Variants in NDUFAF7 observed in about 807,000 individuals in gnomAD.
NDUFAF7 encodes the protein protein arginine methyltransferase NDUFAF7, mitochondrial.
NDUFAF7 carries 48 observed loss-of-function variants against 47.2 expected under a neutral mutation model. The observed-to-expected ratio is 1.02, with a 90% CI of 0.81 to 1.29. NDUFAF7 has a LOEUF of 1.29. NDUFAF7 is among the 50% of genes most tolerant of loss of function. The pLI, the probability that NDUFAF7 is intolerant of heterozygous loss-of-function variation, is 0.00. For synonymous variants in NDUFAF7, 217 were observed against 190.0 expected (o/e 1.14, Z -1.17); for missense variants, 635 against 537.6 (o/e 1.18, Z -1.79).
chr2:37,267,529 A>G, the NDUFAF7 span: 4 of 1,600,796 alleles, frequency 2.5e-6, no homozygotes, highest in South Asian at 2.2e-5. Flanking sequence ...CAGTCTTTCT[A>G]TGTTTTCCTA....
chr2:37,245,940 ATTTATT>A, intron 7 of NDUFAF7, 106 bp from the exon 8 acceptor site: 1 of 1,235,388 alleles, frequency 8.1e-7, no homozygotes. Flanking sequence ...CATATTAAGA[ATTTATT>A]TTTATTAAAA....
intron 4 of NDUFAF7, among the ~76,000 whole-genome samples, chr2:37,240,196 C>T (rs2041839): frequency 0.05 from 7,669 of 152,044 alleles, 716 homozygotes; most frequent in East Asian, 0.34. Context: ...TTTGGGAGTT[C>T]GAGGCTCCCA....
chr2:37,254,327 T>G, downstream of NDUFAF7: 1 of 1,523,978 alleles, frequency 6.6e-7, no homozygotes. Flanking sequence ...TGAATTTGGG[T>G]GCACAGAGTA....
At chr2:37,268,873 C>G in the NDUFAF7 span, 9 of 153,844 alleles carry the variant, frequency 5.9e-5, no homozygotes, top group African/African-American at 1.9e-4. Flanking sequence ...CTGTAGATGA[C>G]TGTGAACCAC....
downstream of NDUFAF7, among the ~76,000 whole-genome samples, chr2:37,257,694 AG>A (rs1668089159): frequency 1.3e-5 from 2 of 149,374 alleles, no homozygotes; most frequent in African/African-American, 2.5e-5. Flanking sequence ...AAAAAAAAAA[AG>A]TTACAGTATT....
chr2:37,254,355 C>CCT, downstream of NDUFAF7: 1 of 1,255,468 alleles, frequency 8.0e-7, no homozygotes, highest in Non-Finnish European at 1.2e-6. Flanking sequence ...CTTGTGACTG[C>CCT]CTAGAAGGCA....
In NDUFAF7 at chr2:37,231,774, C is replaced by T; in HGVS notation, c.55+14C>T. On this transcript the variant is annotated intron_variant, in intron 1 of 9. Transcript: ENST00000002125. Reference sequence around the variant, plus strand: ...TGGCGCGCGCAGGTAAGCGTCAGTCCCCTCGAAGCCCGGTTGCCGTGGAAG... The same window carrying T: ...TGGCGCGCGCAGGTAAGCGTCAGTCTCCTCGAAGCCCGGTTGCCGTGGAAG... 6.2e-7 allele frequency: 1 copy of T among 1,614,060 alleles called. No individual in the cohort carries two copies. The highest frequency in any genetic ancestry group is 1.3e-5 in the African/African-American group (1 of 75,032).
chr2:37,259,751 T>A, the NDUFAF7 span: 3 of 1,067,160 alleles, frequency 2.8e-6, no homozygotes, highest in Non-Finnish European at 4.3e-6. Context: ...ACTCCTTGAA[T>A]GATTTAATTT....
chr2:37,259,094 G>A, the NDUFAF7 span, among the ~76,000 whole-genome samples: 1 of 152,118 alleles, frequency 6.6e-6, no homozygotes, highest in Admixed American at 6.6e-5. Context: ...ATCAGAGAGT[G>A]CTACATGTAG....
At chr2:37,256,646 T>A, downstream of NDUFAF7, 3 of 1,404,406 alleles carry the variant, frequency 2.1e-6, no homozygotes, top group South Asian at 1.7e-5. Flanking sequence ...TTTTTTTTTT[T>A]TTTTTTTTTT....
downstream of NDUFAF7, chr2:37,250,700 T>C (rs1033399324): frequency 6.6e-6 from 1 of 152,184 alleles, no homozygotes; most frequent in Non-Finnish European, 1.5e-5. Flanking sequence ...GGTTTTCACA[T>C]GGAAAAGTAT....
chr2:37,251,679 G>GTTTA (rs1230454159), downstream of NDUFAF7: 4 of 151,552 alleles, frequency 2.6e-5, no homozygotes, highest in East Asian at 7.7e-4. Flanking sequence ...CTAGTTTTTA[G>GTTTA]TTTATTTGAC....
chr2:37,248,442 G>A lies in NDUFAF7; in HGVS notation c.*92G>A. 3 of 1,226,632 alleles carry A rather than the reference G, an allele frequency of 2.4e-6. No homozygotes were observed. In the South Asian group the frequency reaches 3.6e-5, roughly 15 times the overall value. The allele number at this position is 1,226,632 out of a possible 1,614,324, so 76.0% of individuals were successfully genotyped here. A position where few individuals can be genotyped will look rare whatever the true frequency, so the allele number is the denominator to read the frequency against. ...TATACTGCAGGTAACAAAAGTCAAAGTATTTTATCTTTTCACAGCAAGAAC... is the reference window on the plus strand; with the variant it reads ...TATACTGCAGGTAACAAAAGTCAAAATATTTTATCTTTTCACAGCAAGAAC... On this transcript the variant is annotated 3_prime_UTR_variant, in exon 10 of 10. Transcript: ENST00000002125.
intron 6 of NDUFAF7, 106 bp downstream of exon 6, chr2:37,242,799 A>G: frequency 1.2e-6 from 1 of 821,830 alleles, no homozygotes; most frequent in South Asian, 1.9e-5. Context: ...TGTTGAGGTT[A>G]TTTTTAACTA....
downstream of NDUFAF7, among the ~76,000 whole-genome samples, chr2:37,256,004 C>G: frequency 6.6e-6 from 1 of 151,944 alleles, no homozygotes; most frequent in Admixed American, 6.6e-5. Flanking sequence ...AGGGAGACCC[C>G]GTCTCAATAA....
downstream of NDUFAF7, chr2:37,251,607 C>G (rs972527508): frequency 3.9e-5 from 6 of 152,032 alleles, no homozygotes; most frequent in African/African-American, 1.5e-4. Flanking sequence ...GTTCATGTAC[C>G]AGAACATTCT....
chr2:37,264,775 A>C, the NDUFAF7 span, among the ~76,000 whole-genome samples: 29 of 152,132 alleles, frequency 1.9e-4, no homozygotes, highest in African/African-American at 6.3e-4. Context: ...TGTTGTGTAT[A>C]TTGTCTGCAG....
downstream of NDUFAF7, among the ~76,000 whole-genome samples, chr2:37,249,532 G>A (rs974987921): frequency 4.0e-5 from 6 of 148,318 alleles, no homozygotes; most frequent in African/African-American, 1.5e-4. Flanking sequence ...AGGGGAGATT[G>A]CTCCGTTGCA....
intron 4 of NDUFAF7, among the ~76,000 whole-genome samples, chr2:37,239,707 A>G (rs1372596114): frequency 6.6e-6 from 1 of 151,532 alleles, no homozygotes; most frequent in Non-Finnish European, 1.5e-5. Flanking sequence ...AACAGTGTTC[A>G]ACATGAAACA....
Sources: allele counts gnomAD v4.1 joint callset (sites outside exome capture counted in the v4.1 genomes callset), GRCh38; gene constraint gnomAD v4.1.1; transcripts MANE v1.5; gene names NCBI Gene and HGNC (gene_info 2026-07-23, HGNC 2026-07-21).